The following TENM2 variants were observed in gnomAD, a reference collection of about 807,000 sequenced individuals.
TENM2 encodes the protein teneurin transmembrane protein 2.
In TENM2, 52 loss-of-function variants were observed where a neutral mutation model predicts 245.2. The ratio of observed to expected loss-of-function variants is 0.21; its 90% CI spans 0.17 to 0.27. TENM2 has a LOEUF of 0.27. Ranked by LOEUF, TENM2 falls within the 10% of genes least tolerant of loss-of-function variation. The pLI, the probability that TENM2 is intolerant of heterozygous loss-of-function variation, is 1.00. For missense variants in TENM2, 3,046 were observed against 3,666.8 expected, an observed-to-expected ratio of 0.83 and a Z score of 4.37; for synonymous variants, 1,363 against 1,438.9, an observed-to-expected ratio of 0.95 and a Z score of 1.19.
At chr5:168,211,682 T>C (rs1762813035) in intron 19 of TENM2, 52 bp from the exon 22 acceptor site, 2 of 1,150,028 alleles carry the variant, frequency 1.7e-6, no homozygotes, top group South Asian at 2.9e-5. Context: ...TTATCATCAA[T>C]TCTTCTGCTA....
the TENM2 span, among the ~76,000 whole-genome samples, chr5:167,117,481 C>T: frequency 1.4e-3 from 220 of 151,858 alleles, 1 homozygote; most frequent in Admixed American, 6.4e-3. Context: ...CCAGCCTGGG[C>T]GACAGAGCGA....
intron 25 of TENM2, among the ~76,000 whole-genome samples, chr5:168,241,850 A>G (rs1279959201): frequency 6.6e-6 from 1 of 152,228 alleles, no homozygotes; most frequent in Non-Finnish European, 1.5e-5. Context: ...CTAGTAACAG[A>G]GATTAGCAAT....
chr5:167,829,192 A>C (rs1768247815), intron 2 of TENM2, among the ~76,000 whole-genome samples: 1 of 152,206 alleles, frequency 6.6e-6, no homozygotes, highest in African/African-American at 2.4e-5. Context: ...TCCTCTTATG[A>C]AGAAGAAGAA....
chr5:167,156,702 C>G, the TENM2 span, among the ~76,000 whole-genome samples: 1 of 152,152 alleles, frequency 6.6e-6, no homozygotes, highest in Non-Finnish European at 1.5e-5. Flanking sequence ...TGCCCTCACA[C>G]CGCACACTGA....
intron 3 of TENM2, among the ~76,000 whole-genome samples, chr5:167,914,236 T>G (rs1439230919): frequency 6.6e-6 from 1 of 152,198 alleles, no homozygotes; most frequent in African/African-American, 2.4e-5. Context: ...ACACATTTAT[T>G]ATCTGAGAGT....
At chr5:167,950,900 A>G (rs1170134175) in intron 3 of TENM2, among the ~76,000 whole-genome samples, 2 of 152,258 alleles carry the variant, frequency 1.3e-5, no homozygotes, top group South Asian at 2.1e-4. Flanking sequence ...TTTGGAGGAC[A>G]TGATTTAAAA....
At chr5:167,741,897 C>G (rs184205957) in intron 2 of TENM2, among the ~76,000 whole-genome samples, 13 of 152,260 alleles carry the variant, frequency 8.5e-5, no homozygotes, top group Admixed American at 7.8e-4. Context: ...TGTGGACAAA[C>G]AGGGCCCTGG....
intron 2 of TENM2, among the ~76,000 whole-genome samples, chr5:167,438,274 T>C (rs1469126047): frequency 6.6e-6 from 1 of 152,236 alleles, no homozygotes; most frequent in Admixed American, 6.5e-5. Context: ...TTTCTTCCTC[T>C]TTATGGAATG....
chr5:167,123,372 G>A, the TENM2 span, among the ~76,000 whole-genome samples: 6 of 151,970 alleles, frequency 3.9e-5, no homozygotes, highest in African/African-American at 1.4e-4. Context: ...ACACACACAC[G>A]GATAACATTT....
the TENM2 span, among the ~76,000 whole-genome samples, chr5:167,013,499 A>T: frequency 6.6e-6 from 1 of 152,250 alleles, no homozygotes; most frequent in East Asian, 1.9e-4. Context: ...CCACATTAAT[A>T]AATTCAAGCA....
chr5:167,288,026 G>A (rs183650516), intron 1 of TENM2, among the ~76,000 whole-genome samples: 10 of 152,180 alleles, frequency 6.6e-5, no homozygotes, highest in African/African-American at 2.2e-4. Flanking sequence ...AATGAAGGTC[G>A]GCCAAGTTCC....
intron 2 of TENM2, among the ~76,000 whole-genome samples, chr5:167,835,794 A>T (rs1768933882): frequency 6.6e-6 from 1 of 152,314 alleles, no homozygotes; most frequent in African/African-American, 2.4e-5. Context: ...TTATGTTTTC[A>T]CTTTTAATTG....
rs116286243 is a variant in TENM2 at position 168,151,509 on chromosome 5, C to T, written c.2423-11102C>T. On this transcript the variant is annotated intron_variant, in intron 12 of 28. Transcript: ENST00000518659. ...AGAATATTTATTATGTGCCATGCAT[C>T]ATGGATTCTCTCATTTAAATGTCAG... is the stretch of plus-strand genomic sequence containing the variant. Among the ~76,000 whole-genome samples, 623 of 152,296 alleles carry T rather than the reference C, an allele frequency of 4.1e-3. 3 individuals are homozygous for T. Among genetic ancestry groups the T allele is most frequent in the African/African-American group, 0.014 (601 of 41,560 alleles).
upstream of TENM2, among the ~76,000 whole-genome samples, chr5:167,280,756 G>GTCTA (rs70976408): frequency 9.0e-3 from 1,310 of 145,946 alleles, 3 homozygotes; most frequent in African/African-American, 0.011. Flanking sequence ...CTATCTGTCT[G>GTCTA]TCTATCTATC....
chr5:168,167,783 T>C (rs1384840466), intron 13 of TENM2, among the ~76,000 whole-genome samples: 3 of 152,208 alleles, frequency 2.0e-5, no homozygotes, highest in African/African-American at 7.2e-5. Flanking sequence ...GCTCTGCAAG[T>C]CACTTTGCTT....
chr5:167,524,345 G>A (rs752592582), intron 2 of TENM2, among the ~76,000 whole-genome samples: 2 of 152,066 alleles, frequency 1.3e-5, no homozygotes, highest in Non-Finnish European at 2.9e-5. Flanking sequence ...GAATTAAGGG[G>A]GTTAATGCAT....
At chr5:167,970,958 A>G (rs10866618) in intron 4 of TENM2, among the ~76,000 whole-genome samples, 104,952 of 151,824 alleles carry the variant, frequency 0.69, 36,885 homozygotes, top group East Asian at 0.99. Flanking sequence ...TATTCAGTAT[A>G]TGTCTGCGTA....
At chr5:167,936,329 A>G (rs1356269505) in intron 3 of TENM2, among the ~76,000 whole-genome samples, 2 of 152,250 alleles carry the variant, frequency 1.3e-5, no homozygotes, top group African/African-American at 4.8e-5. Flanking sequence ...CTTGCAATAG[A>G]TCACATGAGC....
chr5:167,394,277 C>A (rs1427102302), intron 2 of TENM2, among the ~76,000 whole-genome samples: 2 of 152,088 alleles, frequency 1.3e-5, no homozygotes, highest in Non-Finnish European at 2.9e-5. Flanking sequence ...AGTCTGTAAT[C>A]ATTTCACATT....
Sources: allele counts gnomAD v4.1 joint callset (sites outside exome capture counted in the v4.1 genomes callset), GRCh38; gene constraint gnomAD v4.1.1; transcripts MANE v1.5; gene names NCBI Gene and HGNC (gene_info 2026-07-23, HGNC 2026-07-21).